EPHA6: variants seen among roughly 807,000 people sequenced by gnomAD.
EPHA6 encodes EPH receptor A6.
EPHA6 carries 50 observed loss-of-function variants against 112.0 expected under a neutral mutation model. That is an observed-to-expected ratio of 0.45 (90% confidence interval 0.36 to 0.56). EPHA6 has a LOEUF of 0.56. EPHA6 is among the 20% of genes least tolerant of loss of function. The pLI is 0.00. For missense variants in EPHA6, 1,280 were observed against 1,417.4 expected, an observed-to-expected ratio of 0.90 and a Z score of 1.56; for synonymous variants, 529 against 490.7, an observed-to-expected ratio of 1.08 and a Z score of -1.03.
At chr3:97,515,872 G>GA (rs938964328) in intron 10 of EPHA6, among the ~76,000 whole-genome samples, 26 of 150,054 alleles carry the variant, frequency 1.7e-4, no homozygotes, top group Middle Eastern at 3.4e-3. Context: ...TGTGTGATTT[G>GA]AAAAAAAATG....
At chr3:97,542,382 A>T (rs1040218955) in intron 11 of EPHA6, among the ~76,000 whole-genome samples, 1 of 152,032 alleles carries the variant, frequency 6.6e-6, no homozygotes, top group Admixed American at 6.5e-5. Flanking sequence ...GCTGAGAATG[A>T]TGGTTTCCAG....
At chr3:97,179,295 T>A (rs939800272) in intron 3 of EPHA6, among the ~76,000 whole-genome samples, 66 of 152,120 alleles carry the variant, frequency 4.3e-4, no homozygotes, top group Non-Finnish European at 1.0e-4. Context: ...TATGTGGTAT[T>A]TTTTTGAGTT....
At chr3:97,236,354 G>A (rs1429978534) in intron 4 of EPHA6, among the ~76,000 whole-genome samples, 3 of 151,824 alleles carry the variant, frequency 2.0e-5, no homozygotes, top group Non-Finnish European at 4.4e-5. Context: ...TAATAGGTGG[G>A]TGAGTGAGAG....
At chr3:97,072,227 G>A (rs895105271) in intron 3 of EPHA6, among the ~76,000 whole-genome samples, 2 of 152,040 alleles carry the variant, frequency 1.3e-5, no homozygotes, top group Non-Finnish European at 2.9e-5. Flanking sequence ...TGAAATAATG[G>A]CATTTGAAAT....
Position 97,441,063 on chromosome 3 carries a change from T to C in EPHA6, c.1732-7505T>C, listed in dbSNP as rs575350126. Among the ~76,000 whole-genome samples the C allele has an allele frequency of 5.9e-5, 9 of 152,154 alleles. No homozygotes were observed. In the South Asian group the frequency reaches 1.9e-3, roughly 32 times the overall value. The stretch of plus-strand genomic sequence containing the variant: ...GTTTTCAAAGAGCAGATAATTCCCA[T>C]GTTGTGTCAGTTATTGCAGAACATT... On this transcript the variant is annotated intron_variant, in intron 6 of 17. Coordinates refer to ENST00000389672, the MANE Select transcript of EPHA6 (RefSeq NM_001080448.3).
intron 5 of EPHA6, among the ~76,000 whole-genome samples, chr3:97,245,280 G>A (rs1483179142): frequency 6.6e-6 from 1 of 151,860 alleles, no homozygotes; most frequent in Non-Finnish European, 1.5e-5. Flanking sequence ...GTTTGTAGGT[G>A]GCCATCTTTT....
intron 3 of EPHA6, among the ~76,000 whole-genome samples, chr3:97,154,684 A>G (rs1207102189): frequency 6.6e-6 from 1 of 152,176 alleles, no homozygotes; most frequent in African/African-American, 2.4e-5. Context: ...CATTTATAGT[A>G]CAACATTGAC....
intron 2 of EPHA6, among the ~76,000 whole-genome samples, chr3:96,932,730 T>C (rs973126201): frequency 6.6e-6 from 1 of 152,294 alleles, no homozygotes; most frequent in South Asian, 2.1e-4. Context: ...TGGACTATAA[T>C]CACAGATTAG....
chr3:96,985,331 G>T (rs2042978903), intron 2 of EPHA6, among the ~76,000 whole-genome samples: 1 of 152,080 alleles, frequency 6.6e-6, no homozygotes, highest in South Asian at 2.1e-4. Context: ...AATCATCATT[G>T]GATGAGTACT....
At chr3:96,885,536 A>G (rs1252566868) in intron 2 of EPHA6, among the ~76,000 whole-genome samples, 1 of 152,064 alleles carries the variant, frequency 6.6e-6, no homozygotes, top group Non-Finnish European at 1.5e-5. Flanking sequence ...ATAGCCTTGA[A>G]TGATCTTTTG....
chr3:97,018,242 TA>T (rs1161090379), intron 3 of EPHA6, among the ~76,000 whole-genome samples: 3 of 152,026 alleles, frequency 2.0e-5, no homozygotes, highest in Non-Finnish European at 4.4e-5. Context: ...CATGCATTTT[TA>T]CCGCTTTATG....
At chr3:97,693,751 T>A (rs1283012322) in intron 14 of EPHA6, among the ~76,000 whole-genome samples, 1 of 152,110 alleles carries the variant, frequency 6.6e-6, no homozygotes, top group African/African-American at 2.4e-5. Context: ...GAGCTTGCAG[T>A]GAGCCGAGAT....
Position 96,987,899 on chromosome 3 carries a change from T to C in EPHA6, c.1020T>C (p.Pro340=). ...AGAGTGCTGAAGAGCGTGACACTCCTAAACTGTATTGTGGAGCTGATGGAG... is the reference window on the plus strand; with the variant it reads ...AGAGTGCTGAAGAGCGTGACACTCCCAAACTGTATTGTGGAGCTGATGGAG... ...CVKSAEERDT[P]KLYCGADGDW... is the part of the protein sequence containing the mutation. Residue 340 remains proline, a synonymous_variant, in exon 3 of 18, where the codon CCT becomes CCC. Coordinates refer to ENST00000389672, the MANE Select transcript of EPHA6 (RefSeq NM_001080448.3). 3 of 1,613,832 alleles carry C rather than the reference T, an allele frequency of 1.9e-6. No individual in the cohort carries two copies. Among genetic ancestry groups the C allele is most frequent in the Non-Finnish European group, 1.7e-6 (2 of 1,179,824 alleles).
intron 14 of EPHA6, among the ~76,000 whole-genome samples, chr3:97,665,867 C>G (rs1005079498): frequency 1.3e-5 from 2 of 152,088 alleles, no homozygotes; most frequent in Non-Finnish European, 2.9e-5. Context: ...ACCAATCTGG[C>G]CAACATAGTG....
chr3:97,646,086 G>T lies in EPHA6; in HGVS notation c.2784+8004G>T. 3 of 1,464,588 alleles carry T rather than the reference G, an allele frequency of 2.0e-6. 1 individual carries two copies. In the South Asian group the frequency reaches 3.8e-5, roughly 19 times the overall value. 90.7% of individuals were successfully genotyped at this position (1,464,588 alleles called of 1,614,324 possible). A position where few individuals can be genotyped will look rare whatever the true frequency, so the allele number is the denominator to read the frequency against. ...TCTAATCAAAATACGGACAGAATAG[G>T]CATTTTCCATTAAAATGACTTTGCC... is the stretch of plus-strand genomic sequence containing the variant. On this transcript the variant is annotated intron_variant, in intron 14 of 17. Transcript: ENST00000389672.
At chr3:96,828,439 C>G (rs1190813942) in intron 1 of EPHA6, among the ~76,000 whole-genome samples, 1 of 152,096 alleles carries the variant, frequency 6.6e-6, no homozygotes, top group Non-Finnish European at 1.5e-5. Flanking sequence ...AAACTCATGT[C>G]AAGAGTATGA....
rs1176084691 is a variant in EPHA6, at chr3:97,752,021, T to A, written c.*3320T>A. Among the ~76,000 whole-genome samples, 1 of 152,156 alleles carries A rather than the reference T, an allele frequency of 6.6e-6. No homozygotes were observed. The highest frequency in any genetic ancestry group is 1.5e-5 in the Non-Finnish European group (1 of 67,984). ...AAATCATTTTAAAAAGCAATCAAAT[T>A]GCAAAATTTTGGTGGTTTAACACGA... On this transcript the variant is annotated 3_prime_UTR_variant, in exon 18 of 18. Transcript: ENST00000389672.
intron 5 of EPHA6, among the ~76,000 whole-genome samples, chr3:97,247,638 T>C (rs2108589628): frequency 6.6e-6 from 1 of 152,020 alleles, no homozygotes; most frequent in East Asian, 1.9e-4. Context: ...AGGCTGATCA[T>C]ATGTAAGATA....
At chr3:97,524,142 A>T (rs1255028286) in intron 10 of EPHA6, among the ~76,000 whole-genome samples, 1 of 136,756 alleles carries the variant, frequency 7.3e-6, no homozygotes, top group Non-Finnish European at 1.5e-5. Context: ...TTTTTTACTG[A>T]CTTTTGTAGT....
Sources: allele counts gnomAD v4.1 joint callset (sites outside exome capture counted in the v4.1 genomes callset), GRCh38; gene constraint gnomAD v4.1.1; transcripts MANE v1.5; gene names NCBI Gene and HGNC (gene_info 2026-07-23, HGNC 2026-07-21).